SPAG17: variants seen among roughly 807,000 people sequenced by gnomAD.
SPAG17 encodes sperm associated antigen 17, also known as sperm-associated antigen 17.
Under a neutral mutation model 273.6 loss-of-function variants are expected in SPAG17, and 169 were observed. That is an observed-to-expected ratio of 0.62 (90% CI 0.55 to 0.70). SPAG17 has a LOEUF of 0.70. SPAG17 is among the 30% of genes least tolerant of loss of function. The pLI is 0.00. For synonymous variants in SPAG17, 825 were observed against 873.2 expected (o/e 0.94, Z 0.97); for missense variants, 2,557 against 2,627.8 (o/e 0.97, Z 0.59).
At chr1:118,097,161 G>A (rs1358435515) in intron 7 of SPAG17, among the ~76,000 whole-genome samples, 4 of 151,738 alleles carry the variant, frequency 2.6e-5, no homozygotes, top group African/African-American at 9.7e-5. Context: ...CCTGAACTCA[G>A]GAGGCGGAGG....
intron 3 of SPAG17, among the ~76,000 whole-genome samples, chr1:118,148,363 A>C (rs942521356): frequency 7.2e-5 from 11 of 152,130 alleles, no homozygotes; most frequent in African/African-American, 2.4e-4. Context: ...GAGCGAAAAA[A>C]CAAATCCTCC....
At chr1:117,958,490 A>G (rs1434134183) in intron 48 of SPAG17, among the ~76,000 whole-genome samples, 1 of 152,140 alleles carries the variant, frequency 6.6e-6, no homozygotes, top group Non-Finnish European at 1.5e-5. Context: ...ATATCTTGGT[A>G]CTCTAGGTCA....
At chr1:118,032,162 T>C (rs753942509) in intron 24 of SPAG17, among the ~76,000 whole-genome samples, 7 of 152,190 alleles carry the variant, frequency 4.6e-5, no homozygotes, top group Non-Finnish European at 7.3e-5. Flanking sequence ...ATTAACTATA[T>C]CTTAATTTAT....
chr1:118,012,737 A>T (rs917268009), intron 29 of SPAG17, among the ~76,000 whole-genome samples: 1 of 152,222 alleles, frequency 6.6e-6, no homozygotes, highest in Non-Finnish European at 1.5e-5. Flanking sequence ...AATGCGGCAT[A>T]TTGTGGCTGC....
At chr1:118,121,560 G>T (rs1173257777) in intron 3 of SPAG17, among the ~76,000 whole-genome samples, 1 of 152,132 alleles carries the variant, frequency 6.6e-6, no homozygotes, top group East Asian at 1.9e-4. Flanking sequence ...TGAACTGTGT[G>T]TGAGGGATCT....
At chr1:118,164,686 T>G (rs1015284531) in intron 1 of SPAG17, among the ~76,000 whole-genome samples, 4 of 152,244 alleles carry the variant, frequency 2.6e-5, no homozygotes, top group South Asian at 2.1e-4. Context: ...TTCTGTGTCT[T>G]CCTTCATGTA....
chr1:118,054,449 C>T (rs892682100), intron 19 of SPAG17, among the ~76,000 whole-genome samples: 1 of 152,104 alleles, frequency 6.6e-6, no homozygotes, highest in Non-Finnish European at 1.5e-5. Context: ...CATATTGAAG[C>T]CCTTCTTTTG....
At chr1:118,007,921 T>G in intron 31 of SPAG17, 123 bp downstream of exon 31, 1 of 947,436 alleles carries the variant, frequency 1.1e-6, no homozygotes, top group Non-Finnish European at 1.6e-6. Flanking sequence ...GATGTTAGTA[T>G]TATAAGAGAA....
chr1:117,954,308 G>A (rs1651842741), intron 48 of SPAG17, among the ~76,000 whole-genome samples: 1 of 152,036 alleles, frequency 6.6e-6, no homozygotes. Context: ...TACAGATTGA[G>A]GTGATTATTG....
At chr1:118,066,094 TCCC>T (rs1047063118) in intron 18 of SPAG17, among the ~76,000 whole-genome samples, 7 of 152,032 alleles carry the variant, frequency 4.6e-5, no homozygotes, top group African/African-American at 1.7e-4. Flanking sequence ...TACAGTATAT[TCCC>T]CCAATTATTA....
intron 28 of SPAG17, among the ~76,000 whole-genome samples, chr1:118,019,493 C>T (rs1426913497): frequency 1.3e-5 from 2 of 151,768 alleles, no homozygotes; most frequent in Non-Finnish European, 2.9e-5. Context: ...AGTTCAAGGC[C>T]TCTTAAATAT....
At chr1:118,130,930 T>A (rs1345499902) in intron 3 of SPAG17, among the ~76,000 whole-genome samples, 1 of 152,200 alleles carries the variant, frequency 6.6e-6, no homozygotes, top group African/African-American at 2.4e-5. Flanking sequence ...TACAGCACCA[T>A]GTTTTTAGAA....
At chr1:118,046,540 A>G (rs1392150751) in intron 20 of SPAG17, among the ~76,000 whole-genome samples, 2 of 152,090 alleles carry the variant, frequency 1.3e-5, no homozygotes, top group Non-Finnish European at 2.9e-5. Context: ...AGTTAAATTG[A>G]AATGATATAA....
chr1:118,039,275 AC>A lies in SPAG17; in HGVS notation c.3319+16del. 2 of 1,609,876 alleles carry A rather than the reference AC, an allele frequency of 1.2e-6. No individual in the cohort carries two copies. Among genetic ancestry groups the A allele is most frequent in the Non-Finnish European group, 1.7e-6 (2 of 1,178,218 alleles). ...GAGTATTAGTCAGAAGAAAGAAACC[AC>A]TAAACAGCAGCTTACCCGTTTCAAG... is the stretch of plus-strand genomic sequence containing the variant. On this transcript the variant is annotated intron_variant, in intron 23 of 48. Coordinates refer to ENST00000336338, the MANE Select transcript of SPAG17 (RefSeq NM_206996.4).
intron 1 of SPAG17, among the ~76,000 whole-genome samples, chr1:118,168,439 G>C (rs988520572): frequency 6.6e-6 from 1 of 152,122 alleles, no homozygotes; most frequent in African/African-American, 2.4e-5. Flanking sequence ...TTGAATTTAA[G>C]TTACTGTGAC....
intron 4 of SPAG17, among the ~76,000 whole-genome samples, chr1:118,114,961 T>A (rs571616253): frequency 2.0e-5 from 3 of 152,282 alleles, no homozygotes; most frequent in South Asian, 2.1e-4. Context: ...ACTGTGAGGG[T>A]TCCCCCCAAC....
intron 3 of SPAG17, among the ~76,000 whole-genome samples, chr1:118,134,036 A>C (rs1394972067): frequency 6.6e-6 from 1 of 152,222 alleles, no homozygotes; most frequent in African/African-American, 2.4e-5. Flanking sequence ...GGCATGGATA[A>C]ATTGGAACTA....
rs79701179 is a variant in SPAG17 at position 118,141,038 on chromosome 1, C to T, written c.315+9505G>A. Among the ~76,000 whole-genome samples the T allele has an allele frequency of 6.2e-3, 939 of 152,244 alleles. 8 individuals are homozygous for T. The highest frequency in any genetic ancestry group is 0.022 in the African/African-American group (904 of 41,530). Reference sequence around the variant, plus strand: ...ATCTTCTTTTCCTTTCATTCATCTCCAAACACTCAGCCTACAGTGTTTTCC... The same window carrying T: ...ATCTTCTTTTCCTTTCATTCATCTCTAAACACTCAGCCTACAGTGTTTTCC... On this transcript the variant is annotated intron_variant, in intron 3 of 48. Transcript: ENST00000336338.
intron 21 of SPAG17, 139 bp downstream of exon 21, chr1:118,041,664 G>T: frequency 1.8e-6 from 2 of 1,135,796 alleles, no homozygotes; most frequent in Non-Finnish European, 2.5e-6. Flanking sequence ...TGGAATACAG[G>T]TTTGAGCTCA....
Sources: gnomAD v4.1 joint callset for allele counts (sites outside exome capture counted in the v4.1 genomes callset) on GRCh38, gnomAD v4.1.1 for gene constraint, MANE v1.5 for transcripts, NCBI Gene and HGNC (gene_info 2026-07-23, HGNC 2026-07-21) for gene names.